Variants in LANCL2 observed in about 807,000 individuals in gnomAD.
The protein encoded by LANCL2 is LanC like glutathione S-transferase 2.
LANCL2 carries 33 observed loss-of-function variants against 56.9 expected under a neutral mutation model. The observed-to-expected ratio is 0.58, with a 90% confidence interval of 0.44 to 0.78. The LOEUF is 0.78. LANCL2 is among the 30% of genes least tolerant of loss of function. The probability of loss-of-function intolerance (pLI) is 0.00; values close to 1 mark genes in which losing one functional copy is unlikely to be tolerated. For synonymous variants in LANCL2, 233 were observed against 228.2 expected, an observed-to-expected ratio of 1.02 and a Z score of -0.19; for missense variants, 562 against 580.2, an observed-to-expected ratio of 0.97 and a Z score of 0.32.
At chr7:55,399,287 G>GA (rs71031845) in intron 3 of LANCL2, among the ~76,000 whole-genome samples, 124,471 of 140,466 alleles carry the variant, frequency 0.89, 55,333 homozygotes, top group African/African-American at 0.97. Context: ...GAAAAAGAAA[G>GA]AAAAAAAAAA....
At chr7:55,414,233 C>T (rs147050755) in intron 6 of LANCL2, among the ~76,000 whole-genome samples, 114 of 152,228 alleles carry the variant, frequency 7.5e-4, no homozygotes, top group African/African-American at 2.6e-3. Flanking sequence ...CATCTGTTTG[C>T]GTCTCTGAGC....
chr7:55,424,663 G>A (rs1170699682), intron 6 of LANCL2, among the ~76,000 whole-genome samples: 1 of 152,208 alleles, frequency 6.6e-6, no homozygotes, highest in East Asian at 1.9e-4. Flanking sequence ...AGGACAAGGG[G>A]AATAGGCTAA....
At position 55,399,982 on chromosome 7, in the gene LANCL2, G is replaced by T; in HGVS notation, c.556G>T (p.Val186Phe). The change falls in exon 4 of 9, where the codon GTC (valine) becomes TTC (phenylalanine). Residue 186 changes from valine to phenylalanine, a missense_variant. Coordinates refer to ENST00000254770, the MANE Select transcript of LANCL2 (RefSeq NM_018697.4). The stretch of plus-strand genomic sequence containing the variant: ...ACTTTTGCAGCTCCAGAGATCGGTT[G>T]TCTGCCAAGAATCAGACCTTCCTGA... ...TKLLQLQRSV[V>F]CQESDLPDEL... is the part of the protein sequence containing the mutation. 6.2e-7 allele frequency: 1 copy of T among 1,613,086 alleles called. No homozygotes were observed. The highest frequency in any genetic ancestry group is 1.1e-5 in the South Asian group (1 of 90,950).
intron 5 of LANCL2, among the ~76,000 whole-genome samples, chr7:55,407,642 G>A (rs890069699): frequency 6.6e-6 from 1 of 152,192 alleles, no homozygotes; most frequent in Non-Finnish European, 1.5e-5. Flanking sequence ...ATCAGTTGAA[G>A]GTCTGACTAG....
chr7:55,390,941 A>G lies in LANCL2; in HGVS notation c.205-852A>G, dbSNP rs1301847962. On this transcript the variant is annotated intron_variant, in intron 1 of 8. Coordinates refer to ENST00000254770, the MANE Select transcript of LANCL2 (RefSeq NM_018697.4). ...GGGACTTAATTCTTTTTATATATAT[A>G]TATTTTTTAATCTGGTAAGAAATCC... Among the ~76,000 whole-genome samples, 15 of 150,086 alleles carry G rather than the reference A, an allele frequency of 1.0e-4. No individual in the cohort carries two copies. In the East Asian group the frequency reaches 2.5e-3, roughly 25 times the overall value.
intron 2 of LANCL2, 88 bp downstream of exon 2, chr7:55,391,998 A>C (rs530904223): frequency 3.6e-6 from 3 of 823,858 alleles, no homozygotes; most frequent in Admixed American, 4.1e-5. Context: ...CTCTTTTAAA[A>C]TGGTAAAGAT....
chr7:55,408,168 TATATA>T (rs1790431695), intron 5 of LANCL2, among the ~76,000 whole-genome samples: 1 of 152,028 alleles, frequency 6.6e-6, no homozygotes, highest in African/African-American at 2.4e-5. Flanking sequence ...GAAAATAAAA[TATATA>T]ATAGCTGAAT....
At chr7:55,402,888 T>G (rs1343860511) in intron 5 of LANCL2, among the ~76,000 whole-genome samples, 2 of 137,420 alleles carry the variant, frequency 1.5e-5, no homozygotes, top group African/African-American at 2.8e-5. Flanking sequence ...ATGGGCGGCC[T>G]GGCAGAGACG....
chr7:55,367,135 C>G (rs1035114736), intron 1 of LANCL2, among the ~76,000 whole-genome samples: 3 of 152,240 alleles, frequency 2.0e-5, no homozygotes, highest in African/African-American at 7.2e-5. Flanking sequence ...GATGGCATAC[C>G]CTGTCACCCT....
At chr7:55,401,049 G>C (rs760281960) in intron 4 of LANCL2, 125 bp from the exon 5 acceptor site, 16 of 597,958 alleles carry the variant, frequency 2.7e-5, no homozygotes, top group Non-Finnish European at 4.3e-5. Flanking sequence ...ACTGCTTAAA[G>C]ACTTTTAGAT....
At chr7:55,419,749 G>T (rs557741130) in intron 6 of LANCL2, among the ~76,000 whole-genome samples, 13 of 152,254 alleles carry the variant, frequency 8.5e-5, no homozygotes, top group African/African-American at 2.9e-4. Context: ...TCTCTCATCA[G>T]TCTAGATAGC....
chr7:55,393,633 T>C (rs1160824289), intron 2 of LANCL2, among the ~76,000 whole-genome samples: 1 of 152,204 alleles, frequency 6.6e-6, no homozygotes, highest in Non-Finnish European at 1.5e-5. Flanking sequence ...CTTGATAATA[T>C]TGTATTTGTA....
chr7:55,410,037 A>G (rs2128995051), intron 5 of LANCL2, among the ~76,000 whole-genome samples: 1 of 152,352 alleles, frequency 6.6e-6, no homozygotes, highest in South Asian at 2.1e-4. Context: ...AGTGTCCCTC[A>G]TCTGCCACAA....
chr7:55,391,342 C>A (rs1790187788), intron 1 of LANCL2, among the ~76,000 whole-genome samples: 2 of 152,202 alleles, frequency 1.3e-5, no homozygotes, highest in South Asian at 4.2e-4. Context: ...GTATGCTTAT[C>A]ATTTGTTTTT....
At chr7:55,376,288 T>C (rs1460780722) in intron 1 of LANCL2, among the ~76,000 whole-genome samples, 1 of 151,720 alleles carries the variant, frequency 6.6e-6, no homozygotes, top group African/African-American at 2.4e-5. Flanking sequence ...TACTGTAGAG[T>C]TTTTATGATA....
chr7:55,397,887 G>A (rs971981465), intron 2 of LANCL2, among the ~76,000 whole-genome samples: 10 of 151,818 alleles, frequency 6.6e-5, no homozygotes, highest in African/African-American at 2.4e-4. Context: ...CAGAAATGGC[G>A]AGTTCACTCA....
chr7:55,416,968 GGTTTTTTTTTTT>G (rs1790546821), intron 6 of LANCL2, among the ~76,000 whole-genome samples: 1 of 109,076 alleles, frequency 9.2e-6, no homozygotes, highest in Admixed American at 8.4e-5. Flanking sequence ...CAAACGAGGT[GGTTTTTTTTTTT>G]TTTTTTTTTT....
intron 1 of LANCL2, among the ~76,000 whole-genome samples, chr7:55,366,743 G>C (rs1789878168): frequency 6.6e-6 from 1 of 152,184 alleles, no homozygotes. Context: ...TCGCGAGGTG[G>C]GTCAGAGCGT....
At chr7:55,421,154 G>C (rs759499218) in intron 6 of LANCL2, among the ~76,000 whole-genome samples, 5 of 151,926 alleles carry the variant, frequency 3.3e-5, no homozygotes, top group Non-Finnish European at 7.4e-5. Context: ...GTTTTAATTG[G>C]AATTAGTTCA....
Sources: allele counts gnomAD v4.1 joint callset (sites outside exome capture counted in the v4.1 genomes callset), GRCh38; gene constraint gnomAD v4.1.1; transcripts MANE v1.5; gene names NCBI Gene and HGNC (gene_info 2026-07-23, HGNC 2026-07-21).